Variants in TMTC1 observed in about 807,000 individuals in gnomAD.
TMTC1 encodes the protein protein O-mannosyl-transferase TMTC1.
A neutral mutation model predicts 104.8 loss-of-function variants in TMTC1; 73 were observed. That is an observed-to-expected ratio of 0.70 (90% CI 0.58 to 0.85). The LOEUF is 0.85. Ranked by LOEUF, TMTC1 falls within the 40% of genes least tolerant of loss-of-function variation. The pLI is 0.00. For missense variants in TMTC1, 1,035 were observed against 1,096.1 expected, an observed-to-expected ratio of 0.94 and a Z score of 0.79; for synonymous variants, 434 against 428.7, an observed-to-expected ratio of 1.01 and a Z score of -0.15.
chr12:29,538,295 C>T (rs1429469422), intron 10 of TMTC1, among the ~76,000 whole-genome samples: 1 of 152,096 alleles, frequency 6.6e-6, no homozygotes, highest in Non-Finnish European at 1.5e-5. Flanking sequence ...TATAATATAC[C>T]TTCATGTAAT....
intron 5 of TMTC1, among the ~76,000 whole-genome samples, chr12:29,696,970 A>G (rs1941442194): frequency 6.6e-6 from 1 of 152,182 alleles, no homozygotes; most frequent in Non-Finnish European, 1.5e-5. Flanking sequence ...GAAAGTCTAT[A>G]AAAGTATACT....
intron 5 of TMTC1, among the ~76,000 whole-genome samples, chr12:29,693,039 T>C (rs1176104339): frequency 7.0e-6 from 1 of 143,664 alleles, no homozygotes; most frequent in African/African-American, 2.5e-5. Flanking sequence ...TTTAGAGGGG[T>C]GAGAATATTA....
At chr12:29,628,304 G>A (rs974251479) in intron 6 of TMTC1, among the ~76,000 whole-genome samples, 11 of 152,192 alleles carry the variant, frequency 7.2e-5, no homozygotes, top group Non-Finnish European at 1.5e-4. Context: ...AAGGAACAAC[G>A]TGGTACAACT....
intron 8 of TMTC1, among the ~76,000 whole-genome samples, chr12:29,582,065 CAATGAT>C (rs1302502557): frequency 6.6e-6 from 1 of 152,144 alleles, no homozygotes; most frequent in African/African-American, 2.4e-5. Context: ...ACGATCATGA[CAATGAT>C]ATGTAATACG....
At chr12:29,594,521 A>G (rs1290802737) in intron 7 of TMTC1, among the ~76,000 whole-genome samples, 1 of 152,248 alleles carries the variant, frequency 6.6e-6, no homozygotes, top group Non-Finnish European at 1.5e-5. Flanking sequence ...CCTAATGAAA[A>G]CAAGACAAAG....
intron 5 of TMTC1, among the ~76,000 whole-genome samples, chr12:29,661,575 T>TGCCACC (rs1940030854): frequency 1.3e-5 from 2 of 149,366 alleles, no homozygotes; most frequent in Admixed American, 1.3e-4. Context: ...GTACTTTTTG[T>TGCCACC]ATTTTTAGTA....
chr12:29,516,058 T>C (rs1357882584), intron 15 of TMTC1, among the ~76,000 whole-genome samples: 1 of 151,840 alleles, frequency 6.6e-6, no homozygotes, highest in Non-Finnish European at 1.5e-5. Context: ...AAATACAAAA[T>C]AATAAAGCAT....
chr12:29,779,945 G>A (rs1377757252), intron 1 of TMTC1, among the ~76,000 whole-genome samples: 3 of 152,236 alleles, frequency 2.0e-5, no homozygotes, highest in East Asian at 1.9e-4. Flanking sequence ...AATTAATGAG[G>A]TACATATATA....
intron 10 of TMTC1, among the ~76,000 whole-genome samples, chr12:29,549,872 G>C (rs1047017258): frequency 1.3e-5 from 2 of 152,106 alleles, no homozygotes; most frequent in South Asian, 4.1e-4. Context: ...TCATGGTTTT[G>C]TTTTCCATGT....
intron 5 of TMTC1, among the ~76,000 whole-genome samples, chr12:29,702,365 G>C (rs960379921): frequency 6.6e-6 from 1 of 152,172 alleles, no homozygotes; most frequent in Non-Finnish European, 1.5e-5. Context: ...GATGGGGATA[G>C]ATCACTCCTA....
intron 6 of TMTC1, among the ~76,000 whole-genome samples, chr12:29,624,852 G>A (rs1447598580): frequency 6.6e-6 from 1 of 152,140 alleles, no homozygotes; most frequent in African/African-American, 2.4e-5. Context: ...AAGGACAGAG[G>A]AAAAAGTAGT....
chr12:29,773,588 T>C (rs1348179921), intron 1 of TMTC1, among the ~76,000 whole-genome samples: 1 of 152,178 alleles, frequency 6.6e-6, no homozygotes, highest in Non-Finnish European at 1.5e-5. Flanking sequence ...ATCATGACTC[T>C]ACATGTGGTG....
chr12:29,775,786 T>A (rs767584864), intron 1 of TMTC1, among the ~76,000 whole-genome samples: 9 of 152,012 alleles, frequency 5.9e-5, no homozygotes, highest in Non-Finnish European at 1.2e-4. Flanking sequence ...ATCACATGCC[T>A]CACAGCCCCA....
intron 12 of TMTC1, 139 bp from the exon 13 acceptor site, chr12:29,518,746 TG>T: frequency 9.1e-7 from 1 of 1,094,048 alleles, no homozygotes; most frequent in Non-Finnish European, 1.3e-6. Context: ...CAAATTAGCT[TG>T]CATTTCAGCT....
chr12:29,685,367 TA>T (rs201264038), intron 5 of TMTC1, among the ~76,000 whole-genome samples: 20,458 of 136,672 alleles, frequency 0.15, 1,634 homozygotes, highest in East Asian at 0.35. Flanking sequence ...ATTTCCAAAA[TA>T]AAAAAAAAAA....
intron 5 of TMTC1, among the ~76,000 whole-genome samples, chr12:29,671,128 C>T: frequency 6.6e-6 from 1 of 150,852 alleles, no homozygotes; most frequent in African/African-American, 2.4e-5. Context: ...CCCATCTCTA[C>T]TAAAAATACA....
intron 6 of TMTC1, among the ~76,000 whole-genome samples, chr12:29,630,680 G>A (rs958634881): frequency 6.6e-6 from 1 of 152,102 alleles, no homozygotes; most frequent in Non-Finnish European, 1.5e-5. Flanking sequence ...TGCATGTTAG[G>A]TCATTAGATT....
chr12:29,541,194 C>A (rs1456825795), intron 10 of TMTC1, among the ~76,000 whole-genome samples: 1 of 152,152 alleles, frequency 6.6e-6, no homozygotes, highest in Non-Finnish European at 1.5e-5. Flanking sequence ...ACAGAAGCAG[C>A]CCAAGCCTAA....
chr12:29,574,360 T>A (rs1393482828), intron 8 of TMTC1, among the ~76,000 whole-genome samples: 1 of 149,726 alleles, frequency 6.7e-6, no homozygotes, highest in Admixed American at 6.6e-5. Flanking sequence ...CCTGGGCCAG[T>A]TTTTTTTGTT....
Sources: allele counts gnomAD v4.1 joint callset (sites outside exome capture counted in the v4.1 genomes callset), GRCh38; gene constraint gnomAD v4.1.1; transcripts MANE v1.5; gene names NCBI Gene and HGNC (gene_info 2026-07-23, HGNC 2026-07-21).